TCERG1L: variants seen among roughly 807,000 people sequenced by gnomAD.
TCERG1L encodes the protein transcription elongation regulator 1 like.
TCERG1L carries 37 observed loss-of-function variants against 56.3 expected under a neutral mutation model. That is an observed-to-expected ratio of 0.66 (90% CI 0.51 to 0.87). The LOEUF (loss-of-function observed/expected upper bound fraction) is 0.87, where lower values mean the gene tolerates loss of function less well. Among genes scored for constraint, TCERG1L ranks in the 40% least tolerant of loss-of-function variants. TCERG1L has a pLI of 0.00. For missense variants in TCERG1L, 799 were observed against 774.2 expected, an observed-to-expected ratio of 1.03 and a Z score of -0.38; for synonymous variants, 324 against 326.3, an observed-to-expected ratio of 0.99 and a Z score of 0.08.
chr10:131,127,114 T>C (rs1040900452), intron 8 of TCERG1L, among the ~76,000 whole-genome samples: 8 of 152,124 alleles, frequency 5.3e-5, no homozygotes, highest in Non-Finnish European at 1.2e-4. Flanking sequence ...ATTCTAAGAT[T>C]TAAAACAAAA....
chr10:131,171,242 G>A (rs1846090340), intron 4 of TCERG1L, among the ~76,000 whole-genome samples: 1 of 151,730 alleles, frequency 6.6e-6, no homozygotes, highest in Non-Finnish European at 1.5e-5. Context: ...CTATCTCCTG[G>A]GCAAGTCTTA....
intron 9 of TCERG1L, among the ~76,000 whole-genome samples, chr10:131,107,252 C>A (rs570204909): frequency 6.6e-6 from 1 of 152,300 alleles, no homozygotes; most frequent in African/African-American, 2.4e-5. Context: ...ATGGTCCCAG[C>A]TCTGCAGGGA....
chr10:131,124,760 T>C (rs1044554770), intron 8 of TCERG1L, among the ~76,000 whole-genome samples: 1 of 152,090 alleles, frequency 6.6e-6, no homozygotes, highest in Non-Finnish European at 1.5e-5. Context: ...ATCGCAGGGG[T>C]GACCTGAGGA....
At chr10:131,116,751 C>T (rs747839928) in intron 9 of TCERG1L, 48 bp downstream of exon 9, 5 of 1,541,186 alleles carry the variant, frequency 3.2e-6, no homozygotes, top group South Asian at 1.2e-5. Flanking sequence ...AGCTGCTGTT[C>T]CCCCGGGTCT....
At chr10:131,104,978 T>C (rs1373466901) in intron 9 of TCERG1L, among the ~76,000 whole-genome samples, 10 of 152,240 alleles carry the variant, frequency 6.6e-5, no homozygotes. Flanking sequence ...CAGATTTCTT[T>C]AGGTTTTACC....
intron 4 of TCERG1L, among the ~76,000 whole-genome samples, chr10:131,226,412 G>A (rs902516096): frequency 5.3e-5 from 8 of 152,288 alleles, no homozygotes; most frequent in Admixed American, 4.6e-4. Context: ...TGACCAGTAA[G>A]TTTTCTCACT....
At chr10:131,137,371 C>A (rs183330517) in intron 7 of TCERG1L, among the ~76,000 whole-genome samples, 1 of 152,220 alleles carries the variant, frequency 6.6e-6, no homozygotes, top group Non-Finnish European at 1.5e-5. Context: ...TTCCTCCCTG[C>A]GTCACTGGGC....
chr10:131,221,834 C>T (rs1845735746), intron 4 of TCERG1L, among the ~76,000 whole-genome samples: 1 of 152,162 alleles, frequency 6.6e-6, no homozygotes, highest in Non-Finnish European at 1.5e-5. Flanking sequence ...ACCACTGTCC[C>T]GCCGCTGCCT....
At chr10:131,293,450 A>G (rs1298978801) in intron 3 of TCERG1L, among the ~76,000 whole-genome samples, 4 of 152,016 alleles carry the variant, frequency 2.6e-5, no homozygotes, top group Non-Finnish European at 5.9e-5. Context: ...GCCCCAAATA[A>G]CATCTCCTAC....
chr10:131,274,587 T>C (rs1039688197), intron 3 of TCERG1L, among the ~76,000 whole-genome samples: 1 of 152,138 alleles, frequency 6.6e-6, no homozygotes, highest in Non-Finnish European at 1.5e-5. Context: ...TCCGGTTGTT[T>C]CGTTAAAACC....
At chr10:131,126,501 C>T (rs1381903842) in intron 8 of TCERG1L, among the ~76,000 whole-genome samples, 2 of 151,794 alleles carry the variant, frequency 1.3e-5, no homozygotes, top group African/African-American at 2.4e-5. Context: ...CAGCAAGCTC[C>T]GGCTCTGAGC....
intron 4 of TCERG1L, among the ~76,000 whole-genome samples, chr10:131,236,225 C>T (rs1022802234): frequency 6.6e-6 from 1 of 152,224 alleles, no homozygotes; most frequent in Non-Finnish European, 1.5e-5. Flanking sequence ...AAAAGGGGAT[C>T]ATATGCTCCA....
intron 6 of TCERG1L, among the ~76,000 whole-genome samples, chr10:131,151,227 A>G (rs1306101038): frequency 6.6e-6 from 1 of 152,180 alleles, no homozygotes; most frequent in African/African-American, 2.4e-5. Flanking sequence ...GCATTAACCG[A>G]AAAGTCCAAC....
chr10:131,269,590 C>T (rs1846318314), intron 3 of TCERG1L, among the ~76,000 whole-genome samples: 1 of 152,200 alleles, frequency 6.6e-6, no homozygotes, highest in Non-Finnish European at 1.5e-5. Context: ...TTAGAACACA[C>T]AGGACATTGA....
chr10:131,277,209 C>T (rs1284112800), intron 3 of TCERG1L, among the ~76,000 whole-genome samples: 2 of 152,150 alleles, frequency 1.3e-5, no homozygotes, highest in Admixed American at 6.5e-5. Context: ...GCTCCTCCAC[C>T]CCACGAGTGA....
Position 131,163,210 on chromosome 10 carries a change from C to G in TCERG1L, c.946G>C (p.Glu316Gln). ...CCTCCCCCCAGCATCGGTGGAGGCT[C>G]CTTTCAACAGAAAGAGACAGGGGAG... is the stretch of plus-strand genomic sequence containing the variant. Reference protein sequence around the residue: ...KSRDGDKEDKEPPPMLGGGED... With the variant: ...KSRDGDKEDKQPPPMLGGGED... The change falls in exon 6 of 12, where the codon GAG becomes CAG. Residue 316 changes from glutamate to glutamine, a missense_variant and splice_region_variant. Physicochemically the swap from Glu to Gln is conservative, Grantham distance 29. Coordinates refer to ENST00000368642, the MANE Select transcript of TCERG1L (RefSeq NM_174937.4). 1.3e-6 allele frequency: 2 copies of G among 1,536,290 alleles called. No homozygotes were observed. Among genetic ancestry groups the G allele is most frequent in the Non-Finnish European group, 1.8e-6 (2 of 1,142,790 alleles).
chr10:131,150,003 G>T lies in TCERG1L; in HGVS notation c.1035-3343C>A, dbSNP rs375008591. Among the ~76,000 whole-genome samples the T allele has an allele frequency of 1.2e-4, 18 of 152,350 alleles. No homozygotes were observed. The South Asian group carries it at 3.5e-3, about 30-fold the overall frequency. On this transcript the variant is annotated intron_variant, in intron 6 of 11. Transcript: ENST00000368642. The stretch of plus-strand genomic sequence containing the variant: ...AAGAGGGCCCATTTCTAACAGTATT[G>T]CTTGGGATGTTTTTTCATGATGTTT...
In TCERG1L at chr10:131,202,505, T is replaced by A. The variant is rs143717883; in HGVS notation, c.857-35620A>T. Among the ~76,000 whole-genome samples the A allele has an allele frequency of 4.6e-3, 705 of 152,172 alleles. 4 individuals are homozygous for A. Among genetic ancestry groups the A allele is most frequent in the African/African-American group, 0.016 (645 of 41,518 alleles). ...CTGAGGCAGGAGAATCCCTTGAACC[T>A]GGGAGGCGGAGGTTGCAGTAAGACA... On this transcript the variant is annotated intron_variant, in intron 4 of 11. Coordinates refer to ENST00000368642, the MANE Select transcript of TCERG1L (RefSeq NM_174937.4).
At chr10:131,183,922 T>G (rs761664601) in intron 4 of TCERG1L, among the ~76,000 whole-genome samples, 77 of 152,254 alleles carry the variant, frequency 5.1e-4, no homozygotes, top group Admixed American at 3.5e-3. Flanking sequence ...AAGGCATTGA[T>G]AGCAGTGGGA....
Sources: allele counts gnomAD v4.1 joint callset (sites outside exome capture counted in the v4.1 genomes callset), GRCh38; gene constraint gnomAD v4.1.1; transcripts MANE v1.5; gene names NCBI Gene and HGNC (gene_info 2026-07-23, HGNC 2026-07-21).